The following APBB2 variants were observed in gnomAD, a reference collection of about 807,000 sequenced individuals.
APBB2 encodes Fe65-like 1.
In APBB2, 38 loss-of-function variants were observed where a neutral mutation model predicts 82.5. That is an observed-to-expected ratio of 0.46 (90% CI 0.36 to 0.60). The LOEUF is 0.60. APBB2 is among the 20% of genes least tolerant of loss of function. APBB2 has a pLI of 0.00. For synonymous variants in APBB2, 341 were observed against 368.2 expected (o/e 0.93, Z 0.85); for missense variants, 772 against 972.3 (o/e 0.79, Z 2.74).
At chr4:40,835,253 G>C (rs898716627) in intron 12 of APBB2, among the ~76,000 whole-genome samples, 5 of 150,334 alleles carry the variant, frequency 3.3e-5, no homozygotes, top group African/African-American at 7.4e-5. Context: ...TCCAGCCTGG[G>C]TGAGAGAGCA....
At chr4:41,020,882 G>A (rs188952602) in intron 5 of APBB2, among the ~76,000 whole-genome samples, 1 of 152,150 alleles carries the variant, frequency 6.6e-6, no homozygotes, top group African/African-American at 2.4e-5. Flanking sequence ...CCTTCTTAGG[G>A]GAAGAGTGTT....
At chr4:40,907,670 CCT>C (rs1777389615) in intron 10 of APBB2, among the ~76,000 whole-genome samples, 1 of 120,758 alleles carries the variant, frequency 8.3e-6, no homozygotes, top group Non-Finnish European at 1.6e-5. Context: ...TGTGCCTGAC[CCT>C]TTTTTTTTTT....
At chr4:40,931,101 T>C (rs1372134135) in intron 10 of APBB2, among the ~76,000 whole-genome samples, 1 of 152,098 alleles carries the variant, frequency 6.6e-6, no homozygotes, top group Non-Finnish European at 1.5e-5. Context: ...CTTGGTTCCT[T>C]GGTTCTTGGT....
chr4:40,998,405 C>T (rs1367975223), intron 6 of APBB2, among the ~76,000 whole-genome samples: 2 of 152,108 alleles, frequency 1.3e-5, no homozygotes, highest in African/African-American at 4.8e-5. Flanking sequence ...AGAGTGCAAA[C>T]AAGCTTATTA....
intron 12 of APBB2, among the ~76,000 whole-genome samples, chr4:40,863,313 G>A (rs529214038): frequency 6.6e-6 from 1 of 152,330 alleles, no homozygotes; most frequent in East Asian, 1.9e-4. Context: ...GTTATCAACA[G>A]AGCAGGCGGG....
intron 12 of APBB2, among the ~76,000 whole-genome samples, chr4:40,887,704 T>C (rs1770723560): frequency 6.6e-6 from 1 of 152,202 alleles, no homozygotes; most frequent in Admixed American, 6.5e-5. Context: ...CCAATCCAGC[T>C]GAAGGCAGCC....
intron 15 of APBB2, among the ~76,000 whole-genome samples, chr4:40,824,419 C>T (rs1403074987): frequency 6.6e-6 from 1 of 152,300 alleles, no homozygotes; most frequent in Admixed American, 6.5e-5. Context: ...GTATCATTCA[C>T]ATGCAATTCA....
chr4:40,944,764 A>C (rs749633562), intron 7 of APBB2, 101 bp downstream of exon 7: 17 of 1,146,654 alleles, frequency 1.5e-5, no homozygotes, highest in Non-Finnish European at 2.1e-5. Context: ...ATAATCAAAA[A>C]GCTTACCTTG....
rs1323100806 is a variant in APBB2, at chr4:40,934,468, G to A, written c.1242C>T (p.Asp414=). The A allele has an allele frequency of 1.9e-6, 3 of 1,614,014 alleles. No individual in the cohort carries two copies. Among genetic ancestry groups the A allele is most frequent in the East Asian group, 4.5e-5 (2 of 44,892 alleles). ...DDDDSCSINS[D]PEAKCFAVRS... is the part of the protein sequence containing the mutation. Reference sequence around the variant, plus strand: ...AGTCTTTACAAACCTTGGCTTCTGGGTCACTGTTGATACTACAAGAATCAT... The same window carrying A: ...AGTCTTTACAAACCTTGGCTTCTGGATCACTGTTGATACTACAAGAATCAT... Residue 414 remains aspartate, a synonymous_variant, in exon 10 of 18, where the codon GAC becomes GAT. Coordinates refer to ENST00000508593, the MANE Select transcript of APBB2 (RefSeq NM_004307.2).
intron 12 of APBB2, among the ~76,000 whole-genome samples, chr4:40,857,523 T>C (rs1485427376): frequency 6.6e-6 from 1 of 152,122 alleles, no homozygotes; most frequent in Non-Finnish European, 1.5e-5. Context: ...CAGGCTGGAG[T>C]GCAGTGACAC....
intron 1 of APBB2, among the ~76,000 whole-genome samples, chr4:41,152,168 C>A (rs1762423679): frequency 6.6e-6 from 1 of 152,000 alleles, no homozygotes; most frequent in Non-Finnish European, 1.5e-5. Flanking sequence ...TCTTGGCTTT[C>A]CAAATCTGCC....
At chr4:41,090,170 C>A (rs12513226) in intron 3 of APBB2, among the ~76,000 whole-genome samples, 22,837 of 152,168 alleles carry the variant, frequency 0.15, 1,897 homozygotes, top group Non-Finnish European at 0.18. Flanking sequence ...AACATTTCCC[C>A]TCCAGTCGTT....
At chr4:40,916,017 A>C (rs1466032371) in intron 10 of APBB2, among the ~76,000 whole-genome samples, 2 of 152,188 alleles carry the variant, frequency 1.3e-5, no homozygotes, top group Non-Finnish European at 2.9e-5. Flanking sequence ...CACTCAGGGA[A>C]ATGGTCCCTG....
chr4:40,856,739 T>G (rs1056519436), intron 12 of APBB2, among the ~76,000 whole-genome samples: 9 of 152,340 alleles, frequency 5.9e-5, no homozygotes, highest in African/African-American at 2.2e-4. Context: ...CGAACAGTCC[T>G]GCTGCACTGG....
intron 3 of APBB2, among the ~76,000 whole-genome samples, chr4:41,082,187 A>C (rs947179042): frequency 2.0e-5 from 3 of 152,244 alleles, no homozygotes; most frequent in Admixed American, 2.0e-4. Context: ...TTAAAAACGT[A>C]ACATGGTATG....
At chr4:40,953,437 G>A (rs1006593440) in intron 6 of APBB2, among the ~76,000 whole-genome samples, 8 of 151,976 alleles carry the variant, frequency 5.3e-5, no homozygotes, top group Non-Finnish European at 1.0e-4. Context: ...ATCCACAGCT[G>A]GCTTGACCAT....
intron 3 of APBB2, among the ~76,000 whole-genome samples, chr4:41,095,994 TC>T (rs1743346889): frequency 6.6e-6 from 1 of 152,220 alleles, no homozygotes; most frequent in Admixed American, 6.5e-5. Flanking sequence ...ACGGTGGAGT[TC>T]TTGCCACTCT....
Position 40,816,029 on chromosome 4 carries a change from T to A in APBB2, c.*63A>T. The A allele has an allele frequency of 1.9e-6, 3 of 1,567,698 alleles. No individual in the cohort carries two copies. Among genetic ancestry groups the A allele is most frequent in the South Asian group, 1.1e-5 (1 of 87,742 alleles). ...TGGATGGAAGGTCGGATGGCGGAGTTCATTTTCTTTAGTGTAGCTAGTCAA... is the reference window on the plus strand; with the variant it reads ...TGGATGGAAGGTCGGATGGCGGAGTACATTTTCTTTAGTGTAGCTAGTCAA... On this transcript the variant is annotated 3_prime_UTR_variant, in exon 18 of 18. Transcript: ENST00000508593.
rs1484053677 is a variant in APBB2, at chr4:40,934,717, C to A, written c.1108-18G>T. 4 of 1,573,002 alleles carry A rather than the reference C, an allele frequency of 2.5e-6. No individual in the cohort carries two copies. Among genetic ancestry groups the A allele is most frequent in the Non-Finnish European group, 3.5e-6 (4 of 1,143,428 alleles). ...TGCAAATCCTAGAGGAAAATAGAAC[C>A]TTGTTAATGTACAATGGGGGAGAAG... On this transcript the variant is annotated intron_variant, in intron 8 of 17. Transcript: ENST00000508593.
Sources: gnomAD v4.1 joint callset for allele counts (sites outside exome capture counted in the v4.1 genomes callset) on GRCh38, gnomAD v4.1.1 for gene constraint, MANE v1.5 for transcripts, NCBI Gene and HGNC (gene_info 2026-07-23, HGNC 2026-07-21) for gene names.